DCBLD2: variants seen among roughly 807,000 people sequenced by gnomAD.
DCBLD2 encodes discoidin, CUB and LCCL domain-containing protein 2.
Under a neutral mutation model 86.8 loss-of-function variants are expected in DCBLD2, and 54 were observed. The ratio of observed to expected loss-of-function variants is 0.62; its 90% CI spans 0.50 to 0.78. The LOEUF is 0.78. Among genes scored for constraint, DCBLD2 ranks in the 30% least tolerant of loss-of-function variants. The pLI is 0.00. For synonymous variants in DCBLD2, 354 were observed against 341.3 expected (o/e 1.04, Z -0.41); for missense variants, 908 against 954.2 (o/e 0.95, Z 0.64).
intron 3 of DCBLD2, among the ~76,000 whole-genome samples, chr3:98,841,317 CTTAG>C (rs958465318): frequency 4.6e-5 from 7 of 152,042 alleles, no homozygotes; most frequent in East Asian, 1.9e-4. Flanking sequence ...CAGTTGCAAA[CTTAG>C]TTAGCTATAT....
chr3:98,900,238 C>T (rs1056944908), intron 1 of DCBLD2, among the ~76,000 whole-genome samples: 5 of 152,172 alleles, frequency 3.3e-5, no homozygotes, highest in African/African-American at 4.8e-5. Flanking sequence ...AAAAAACTCT[C>T]TTCCTAGCAA....
chr3:98,890,172 C>T (rs1559801711), intron 1 of DCBLD2, among the ~76,000 whole-genome samples: 1 of 151,978 alleles, frequency 6.6e-6, no homozygotes, highest in Non-Finnish European at 1.5e-5. Flanking sequence ...TATCTGGAAA[C>T]TGGATTTTGC....
intron 8 of DCBLD2, 59 bp downstream of exon 8, chr3:98,819,143 C>G: frequency 2.1e-6 from 3 of 1,441,586 alleles, no homozygotes; most frequent in Non-Finnish European, 2.8e-6. Flanking sequence ...TTAGATGTTA[C>G]TAGTTTTTCA....
At chr3:98,833,215 C>T (rs1396162512) in intron 3 of DCBLD2, among the ~76,000 whole-genome samples, 1 of 152,136 alleles carries the variant, frequency 6.6e-6, no homozygotes, top group Non-Finnish European at 1.5e-5. Context: ...TCAGCGTGGT[C>T]TATTCTGCTG....
At chr3:98,859,094 C>G (rs7645321) in intron 2 of DCBLD2, among the ~76,000 whole-genome samples, 1 of 152,152 alleles carries the variant, frequency 6.6e-6, no homozygotes, top group South Asian at 2.1e-4. Context: ...ACGCCTGGCT[C>G]GGAGGGTCCT....
chr3:98,873,604 G>C (rs989557386), intron 2 of DCBLD2, among the ~76,000 whole-genome samples: 1 of 151,932 alleles, frequency 6.6e-6, no homozygotes, highest in African/African-American at 2.4e-5. Flanking sequence ...ATTAATCAGT[G>C]ATATCATTCT....
chr3:98,808,853 A>G (rs1288075459), intron 12 of DCBLD2, among the ~76,000 whole-genome samples: 2 of 152,150 alleles, frequency 1.3e-5, no homozygotes, highest in Non-Finnish European at 2.9e-5. Flanking sequence ...CTCAGAAACT[A>G]AAAAAAGATG....
At chr3:98,869,933 GATA>G (rs1229737322) in intron 2 of DCBLD2, among the ~76,000 whole-genome samples, 4 of 152,188 alleles carry the variant, frequency 2.6e-5, no homozygotes, top group Non-Finnish European at 5.9e-5. Context: ...CTATAAATAG[GATA>G]ATGTCTTTTG....
At chr3:98,872,680 T>G (rs1329448659) in intron 2 of DCBLD2, among the ~76,000 whole-genome samples, 1 of 151,932 alleles carries the variant, frequency 6.6e-6, no homozygotes, top group Admixed American at 6.6e-5. Context: ...AGTAAATGAT[T>G]AAGACAATAG....
intron 2 of DCBLD2, among the ~76,000 whole-genome samples, chr3:98,852,387 C>T (rs1942855667): frequency 6.6e-6 from 1 of 152,054 alleles, no homozygotes; most frequent in Non-Finnish European, 1.5e-5. Flanking sequence ...GCTGGGATTA[C>T]AGGCGCACAC....
chr3:98,867,458 T>C (rs9682876), intron 2 of DCBLD2, among the ~76,000 whole-genome samples: 6 of 152,028 alleles, frequency 3.9e-5, no homozygotes, highest in African/African-American at 1.4e-4. Context: ...TTATAAAATA[T>C]GTACAATTTT....
intron 3 of DCBLD2, among the ~76,000 whole-genome samples, chr3:98,836,046 GTCC>G (rs764585616): frequency 8.3e-5 from 10 of 120,704 alleles, no homozygotes; most frequent in Non-Finnish European, 1.4e-4. Context: ...TAATAAATCA[GTCC>G]TCCTGTGTGT....
Position 98,849,525 on chromosome 3 carries a change from G to T in DCBLD2, c.507C>A (p.Phe169Leu), listed in dbSNP as rs769427433. 6.2e-7 allele frequency: 1 copy of T among 1,613,886 alleles called. No individual in the cohort carries two copies. Among genetic ancestry groups the T allele is most frequent in the Non-Finnish European group, 8.5e-7 (1 of 1,179,836 alleles). The change falls in exon 3 of 16, where the codon TTC (phenylalanine) becomes TTA (leucine). Residue 169 changes from phenylalanine (F) to leucine (L), a missense_variant. By Grantham distance (22) the Phe-to-Leu change is conservative. Around this residue, in one of 3 missense-constraint regions of DCBLD2, gnomAD observed 294 missense variants for 256.0 expected, o/e 1.15. Transcript: ENST00000326840. ...ESKGNEITLL[F>L]MSGIHVSGRG... ...GTCCAGAAACATGGATTCCACTCATGAACAGCAATGTGATTTCATTGCCTT... is the reference window on the plus strand; with the variant it reads ...GTCCAGAAACATGGATTCCACTCATTAACAGCAATGTGATTTCATTGCCTT...
rs1576180399 is a variant in DCBLD2 at position 98,849,483 on chromosome 3, T to C, written c.549A>G (p.Ser183=). ...TACCTTGTTTATCTATAACAGAGTA[T>C]GAGGCCAAAAATCCGCGTCCAGAAA... The part of the protein sequence containing the change: ...IHVSGRGFLA[S]YSVIDKQDLI... The change falls in exon 3 of 16, where the codon TCA becomes TCG. Residue 183 remains serine, a synonymous_variant. Transcript: ENST00000326840. 6.2e-7 allele frequency: 1 copy of C among 1,613,860 alleles called. No individual in the cohort carries two copies.
chr3:98,877,411 T>C (rs938599015), intron 2 of DCBLD2, among the ~76,000 whole-genome samples: 11 of 152,132 alleles, frequency 7.2e-5, no homozygotes, highest in African/African-American at 2.7e-4. Context: ...TTTCTGGTTA[T>C]AGCACTGAAC....
At chr3:98,873,173 T>C (rs777142013) in intron 2 of DCBLD2, among the ~76,000 whole-genome samples, 9 of 152,020 alleles carry the variant, frequency 5.9e-5, no homozygotes, top group Non-Finnish European at 1.2e-4. Context: ...ATGGAGATAT[T>C]AGAATTATGA....
intron 1 of DCBLD2, among the ~76,000 whole-genome samples, chr3:98,897,006 T>C (rs934801271): frequency 1.3e-5 from 2 of 152,212 alleles, no homozygotes; most frequent in African/African-American, 2.4e-5. Flanking sequence ...GTCCTAAATT[T>C]AAATTCTACT....
chr3:98,898,353 A>G (rs1249865801), intron 1 of DCBLD2, among the ~76,000 whole-genome samples: 2 of 151,200 alleles, frequency 1.3e-5, no homozygotes, highest in Non-Finnish European at 2.9e-5. Flanking sequence ...AAATGATGTC[A>G]GAAAGAAAAA....
At chr3:98,882,419 CTTTTT>C (rs886350011) in intron 1 of DCBLD2, among the ~76,000 whole-genome samples, 7 of 148,966 alleles carry the variant, frequency 4.7e-5, no homozygotes, top group African/African-American at 7.4e-5. Flanking sequence ...AATGGAAGCT[CTTTTT>C]TTTTTAACTT....
Sources: gnomAD v4.1 joint callset for allele counts (sites outside exome capture counted in the v4.1 genomes callset) on GRCh38, gnomAD v4.1.1 for gene constraint, gnomAD v4.1.1 regional missense constraint, MANE v1.5 for transcripts, NCBI Gene and HGNC (gene_info 2026-07-23, HGNC 2026-07-21) for gene names.